TMEM26: variants seen among roughly 807,000 people sequenced by gnomAD.
TMEM26 encodes the protein transmembrane protein 26.
Under a neutral mutation model 28.8 loss-of-function variants are expected in TMEM26, and 38 were observed. That is an observed-to-expected ratio of 1.32 (90% CI 1.02 to 1.73). The LOEUF (loss-of-function observed/expected upper bound fraction) is 1.73. Ranked by LOEUF, TMEM26 falls within the 40% of genes most tolerant of loss-of-function variation. The pLI, the probability that TMEM26 is intolerant of heterozygous loss-of-function variation, is 0.00. For synonymous variants in TMEM26, 227 were observed against 182.9 expected, an observed-to-expected ratio of 1.24 and a Z score of -1.95; for missense variants, 518 against 447.1, an observed-to-expected ratio of 1.16 and a Z score of -1.43.
At chr10:61,415,548 T>C (rs1275144040) in intron 4 of TMEM26, among the ~76,000 whole-genome samples, 2 of 152,012 alleles carry the variant, frequency 1.3e-5, no homozygotes, top group African/African-American at 2.4e-5. Flanking sequence ...GTAGACACAA[T>C]TGTTATCTCT....
chr10:61,450,967 A>G lies in TMEM26; in HGVS notation c.191+1924T>C, dbSNP rs142871296. Among the ~76,000 whole-genome samples, 4 of 152,346 alleles carry G rather than the reference A, an allele frequency of 2.6e-5. No homozygotes were observed. The East Asian group carries it at 5.8e-4, about 22-fold the overall frequency. On this transcript the variant is annotated intron_variant, in intron 1 of 5. Coordinates refer to ENST00000399298, the MANE Select transcript of TMEM26 (RefSeq NM_178505.8). Reference sequence around the variant, plus strand: ...CACCAGTCAACATATATTATTTTATATAATTCTCTAATCACCTATGAGGTA... The same window carrying G: ...CACCAGTCAACATATATTATTTTATGTAATTCTCTAATCACCTATGAGGTA...
chr10:61,429,186 AC>A, intron 3 of TMEM26, 40 bp from the exon 4 acceptor site: 1 of 1,524,564 alleles, frequency 6.6e-7, no homozygotes, highest in Non-Finnish European at 9.1e-7. Flanking sequence ...ATTATCAGCC[AC>A]CACCTGAGAG....
chr10:61,433,281 C>T (rs1179879304), intron 2 of TMEM26, among the ~76,000 whole-genome samples: 3 of 152,140 alleles, frequency 2.0e-5, no homozygotes, highest in Non-Finnish European at 4.4e-5. Context: ...CTGGCCTCTA[C>T]ATTGGGACTG....
intron 1 of TMEM26, 180 bp downstream of exon 1, chr10:61,452,711 G>T: frequency 1.5e-6 from 1 of 674,308 alleles, no homozygotes; most frequent in Non-Finnish European, 2.5e-6. Context: ...TGGGACCCTA[G>T]GGTGGCCCTG....
At chr10:61,436,360 C>T (rs762107866) in intron 1 of TMEM26, 112 bp from the exon 2 acceptor site, 29 of 581,206 alleles carry the variant, frequency 5.0e-5, no homozygotes, top group Non-Finnish European at 7.7e-5. Flanking sequence ...CACATTGAGT[C>T]AAACCTTTTC....
At chr10:61,428,499 C>G (rs954585816) in intron 4 of TMEM26, among the ~76,000 whole-genome samples, 1 of 152,060 alleles carries the variant, frequency 6.6e-6, no homozygotes, top group Non-Finnish European at 1.5e-5. Context: ...CATGTCTTCT[C>G]TCAGTGCTCT....
At chr10:61,450,155 C>T (rs1840252478) in intron 1 of TMEM26, among the ~76,000 whole-genome samples, 1 of 151,820 alleles carries the variant, frequency 6.6e-6, no homozygotes, top group Non-Finnish European at 1.5e-5. Context: ...GGGTTGATTC[C>T]AAAATATAAG....
In TMEM26 at chr10:61,408,916, A is replaced by T. The variant is rs1447028718; in HGVS notation, c.*1406T>A. 1 of 152,212 alleles carries T rather than the reference A, an allele frequency of 6.6e-6. No individual in the cohort carries two copies. Among genetic ancestry groups the T allele is most frequent in the Non-Finnish European group, 1.5e-5 (1 of 68,040 alleles). 9.4% of individuals were successfully genotyped at this position (152,212 alleles called of 1,614,324 possible). ...AAATGTTTCGAATAGGTATCATGTC[A>T]CCCAGAGAGTTACAGATAAAATTGT... On this transcript the variant is annotated 3_prime_UTR_variant, in exon 6 of 6. Transcript: ENST00000399298.
chr10:61,417,263 T>C (rs1319699948), intron 4 of TMEM26, among the ~76,000 whole-genome samples: 1 of 151,968 alleles, frequency 6.6e-6, no homozygotes, highest in Non-Finnish European at 1.5e-5. Context: ...TCTTGGGAAG[T>C]TTAATTATTG....
chr10:61,415,923 A>T (rs1839644441), intron 4 of TMEM26: 5 of 322,352 alleles, frequency 1.6e-5, no homozygotes, highest in South Asian at 1.4e-4. Flanking sequence ...ATGTTTAAGG[A>T]CTATAATGTG....
chr10:61,428,450 G>A (rs1358468551), intron 4 of TMEM26, among the ~76,000 whole-genome samples: 1 of 152,042 alleles, frequency 6.6e-6, no homozygotes, highest in Non-Finnish European at 1.5e-5. Flanking sequence ...ATATACACCA[G>A]GGAATGCAAA....
chr10:61,426,907 A>G (rs570164645), intron 4 of TMEM26, among the ~76,000 whole-genome samples: 1 of 152,156 alleles, frequency 6.6e-6, no homozygotes, highest in East Asian at 1.9e-4. Flanking sequence ...AGGAAATCAG[A>G]ACATGGAAGC....
chr10:61,441,761 T>C (rs1484693686), intron 1 of TMEM26, among the ~76,000 whole-genome samples: 2 of 152,226 alleles, frequency 1.3e-5, no homozygotes, highest in South Asian at 2.1e-4. Flanking sequence ...GTGAGCTATC[T>C]GCCCTTAGAA....
chr10:61,439,460 G>C lies in TMEM26; in HGVS notation c.192-3212C>G, dbSNP rs549061427. Among the ~76,000 whole-genome samples the C allele has an allele frequency of 2.6e-5, 4 of 152,274 alleles. No individual in the cohort carries two copies. The East Asian group carries it at 7.7e-4, about 29-fold the overall frequency. ...TGCCCGAATTTATGAAGGAAGGAAG[G>C]ACTGAGCAAATAAAGTCAATAGAGA... On this transcript the variant is annotated intron_variant, in intron 1 of 5. Coordinates refer to ENST00000399298, the MANE Select transcript of TMEM26 (RefSeq NM_178505.8).
intron 4 of TMEM26, chr10:61,414,522 G>A (rs1839618778): frequency 6.6e-6 from 1 of 152,050 alleles, no homozygotes; most frequent in Non-Finnish European, 1.5e-5. Context: ...AAAACTCTGA[G>A]AGAATTTGTA....
rs1462276807 is a variant in TMEM26, at chr10:61,408,826, G to A, written c.*1496C>T. The A allele has an allele frequency of 1.3e-5, 2 of 152,184 alleles. No homozygotes were observed. Among genetic ancestry groups the A allele is most frequent in the Non-Finnish European group, 2.9e-5 (2 of 68,032 alleles). 9.4% of individuals were successfully genotyped at this position (152,184 alleles called of 1,614,324 possible). A position where few individuals can be genotyped will look rare whatever the true frequency, so the allele number is the denominator to read the frequency against. On this transcript the variant is annotated 3_prime_UTR_variant, in exon 6 of 6. Transcript: ENST00000399298. ...AACATATAACAATGGCACTGAAGAAGCCATTTATGAGAAAATATGCATGAC... is the reference window on the plus strand; with the variant it reads ...AACATATAACAATGGCACTGAAGAAACCATTTATGAGAAAATATGCATGAC...
At chr10:61,434,495 G>T (rs1839971668) in intron 2 of TMEM26, among the ~76,000 whole-genome samples, 1 of 152,126 alleles carries the variant, frequency 6.6e-6, no homozygotes, top group Non-Finnish European at 1.5e-5. Context: ...TGAAAGAATT[G>T]ATTCAAATCA....
chr10:61,447,126 G>T (rs948332395), intron 1 of TMEM26, among the ~76,000 whole-genome samples: 3 of 152,180 alleles, frequency 2.0e-5, no homozygotes, highest in African/African-American at 7.2e-5. Flanking sequence ...AATTTCCAGT[G>T]CCCAAGTTGG....
chr10:61,448,402 C>A (rs1274168354), intron 1 of TMEM26, among the ~76,000 whole-genome samples: 1 of 152,190 alleles, frequency 6.6e-6, no homozygotes, highest in Non-Finnish European at 1.5e-5. Flanking sequence ...TAACTCTGTG[C>A]CTCAGTTTTC....
Sources: allele counts gnomAD v4.1 joint callset (sites outside exome capture counted in the v4.1 genomes callset), GRCh38; gene constraint gnomAD v4.1.1; transcripts MANE v1.5; gene names NCBI Gene and HGNC (gene_info 2026-07-23, HGNC 2026-07-21).